ATP2A2: variants seen among roughly 807,000 people sequenced by gnomAD.
ATP2A2 encodes the protein ATPase sarcoplasmic/endoplasmic reticulum Ca2+ transporting 2.
In ATP2A2, 14 loss-of-function variants were observed where a neutral mutation model predicts 109.3. The observed-to-expected ratio is 0.13, with a 90% confidence interval of 0.08 to 0.20. The LOEUF is 0.20. Ranked by LOEUF, ATP2A2 falls within the 10% of genes least tolerant of loss-of-function variation. The pLI, the probability that ATP2A2 is intolerant of heterozygous loss-of-function variation, is 1.00. For synonymous variants in ATP2A2, 506 were observed against 490.9 expected, an observed-to-expected ratio of 1.03 and a Z score of -0.41; for missense variants, 657 against 1,321.6, an observed-to-expected ratio of 0.50 and a Z score of 7.80.
intron 8 of ATP2A2, among the ~76,000 whole-genome samples, chr12:110,328,289 G>T (rs371331392): frequency 6.7e-6 from 1 of 148,868 alleles, no homozygotes; most frequent in East Asian, 2.0e-4. Context: ...AAAAAAAAAA[G>T]CCTGGGCGCA....
At chr12:110,345,678 C>G in intron 18 of ATP2A2, 1 of 572,640 alleles carries the variant, frequency 1.7e-6, no homozygotes, top group Non-Finnish European at 3.1e-6. Context: ...CTCACCCTTT[C>G]ACACAGACAA....
rs1879969816 is a variant in ATP2A2, at chr12:110,347,295, A to G, written c.*825A>G. 7.9e-7 allele frequency: 1 copy of G among 1,263,248 alleles called. No homozygotes were observed. The highest frequency in any genetic ancestry group is 5.7e-5 in the East Asian group (1 of 17,600). 78.3% of individuals were successfully genotyped at this position (1,263,248 alleles called of 1,614,324 possible). A position where few individuals can be genotyped will look rare whatever the true frequency, so the allele number is the denominator to read the frequency against. ...TGGCACGTCATCTAGTTTTAAAAAA[A>G]TAAAACATTTTAAATGGACAGAGAA... On this transcript the variant is annotated 3_prime_UTR_variant, in exon 20 of 20. Coordinates refer to ENST00000539276, the MANE Select transcript of ATP2A2 (RefSeq NM_170665.4).
chr12:110,334,608 A>G (rs965929621), intron 11 of ATP2A2, among the ~76,000 whole-genome samples: 28 of 57,252 alleles, frequency 4.9e-4, no homozygotes, highest in Non-Finnish European at 7.3e-4. Context: ...TTTTTTTTTG[A>G]GACAGAGTTT....
chr12:110,345,614 G>A (rs1399377186), intron 18 of ATP2A2: 8 of 666,488 alleles, frequency 1.2e-5, no homozygotes, highest in Non-Finnish European at 2.0e-5. Context: ...AACCGTGGGG[G>A]CCAAAAATAG....
rs1027395643 is a variant in ATP2A2, at chr12:110,332,445, G to A, written c.1096-152G>A. ...AGTTAGGGTAAGGGACAGTACTGCT[G>A]ATGCTGAGTGAGCCTCAGTGAGTTT... On this transcript the variant is annotated intron_variant, in intron 8 of 19. Coordinates refer to ENST00000539276, the MANE Select transcript of ATP2A2 (RefSeq NM_170665.4). 18 of 724,360 alleles carry A rather than the reference G, an allele frequency of 2.5e-5. No homozygotes were observed. The African/African-American group carries it at 3.1e-4, about 12-fold the overall frequency. The allele number at this position is 724,360 out of a possible 1,614,324, so 44.9% of individuals were successfully genotyped here.
At chr12:110,305,108 A>AT (rs1875131474) in intron 5 of ATP2A2, among the ~76,000 whole-genome samples, 1 of 151,894 alleles carries the variant, frequency 6.6e-6, no homozygotes, top group Non-Finnish European at 1.5e-5. Flanking sequence ...TAATTTTTGT[A>AT]TTTTTAGTAG....
chr12:110,338,275 G>A lies in ATP2A2; in HGVS notation c.1420-1006G>A, dbSNP rs76025828. On this transcript the variant is annotated intron_variant, in intron 11 of 19. Coordinates refer to ENST00000539276, the MANE Select transcript of ATP2A2 (RefSeq NM_170665.4). ...TAAAAACACTTCCTTAGATGCCCTA[G>A]CCATATTCACTTAAAGTGCTTATCC... Among the ~76,000 whole-genome samples the A allele has an allele frequency of 6.9e-3, 1,046 of 152,262 alleles. 1 individual carries two copies. Among genetic ancestry groups the A allele is most frequent in the Non-Finnish European group, 9.4e-3 (642 of 68,016 alleles).
At chr12:110,338,851 G>A (rs1879091802) in intron 11 of ATP2A2, among the ~76,000 whole-genome samples, 1 of 152,112 alleles carries the variant, frequency 6.6e-6, no homozygotes, top group African/African-American at 2.4e-5. Context: ...CTCACCTTTT[G>A]CTCATGTAAA....
chr12:110,346,560 A>G lies in ATP2A2; in HGVS notation c.*90A>G, dbSNP rs1047627961. The G allele has an allele frequency of 1.0e-5, 16 of 1,571,062 alleles. No individual in the cohort carries two copies. The highest frequency in any genetic ancestry group is 1.4e-5 in the Non-Finnish European group (16 of 1,162,482). ...CTGTCTATTTCTGCTGAATTTTCAC[A>G]TGAACATACTGGCTGGTGATGGAGG... On this transcript the variant is annotated 3_prime_UTR_variant, in exon 20 of 20. Transcript: ENST00000539276.
chr12:110,306,564 G>C (rs1009418185), intron 5 of ATP2A2, among the ~76,000 whole-genome samples: 1 of 151,958 alleles, frequency 6.6e-6, no homozygotes, highest in African/African-American at 2.4e-5. Flanking sequence ...CATCTTAATG[G>C]CTATGTGTAC....
chr12:110,331,285 C>T (rs528872318), intron 8 of ATP2A2: 3 of 151,914 alleles, frequency 2.0e-5, no homozygotes, highest in Non-Finnish European at 4.4e-5. Context: ...TAACTAATTT[C>T]CTTATTGAAT....
chr12:110,345,154 A>G (rs1243238458), intron 17 of ATP2A2, 95 bp from the exon 18 acceptor site: 23 of 1,592,922 alleles, frequency 1.4e-5, no homozygotes, highest in Non-Finnish European at 2.0e-5. Context: ...CTGGCTCTGC[A>G]TTCAGGCTGG....
chr12:110,328,079 T>A, intron 8 of ATP2A2, 62 bp downstream of exon 8: 1 of 1,506,168 alleles, frequency 6.6e-7, no homozygotes, highest in Non-Finnish European at 9.1e-7. Context: ...CCAATATGCC[T>A]TCATGCCATC....
At position 110,346,764 on chromosome 12, in the gene ATP2A2, TAA is replaced by T. The variant is rs758310383; in HGVS notation, c.*301_*302del. The T allele has an allele frequency of 8.4e-7, 1 of 1,196,846 alleles. No individual in the cohort carries two copies. The highest frequency in any genetic ancestry group is 2.1e-5 in the South Asian group (1 of 46,816). The allele number at this position is 1,196,846 out of a possible 1,614,324, so 74.1% of individuals were successfully genotyped here. A position where few individuals can be genotyped will look rare whatever the true frequency, so the allele number is the denominator to read the frequency against. On this transcript the variant is annotated 3_prime_UTR_variant, in exon 20 of 20. Transcript: ENST00000539276. Reference sequence around the variant, plus strand: ...GTTCTGTTTAATACTCATCCTTGTATAAAAAAAATAGTTGAGCCAGCAGACAT... The same window carrying T: ...GTTCTGTTTAATACTCATCCTTGTATAAAAAATAGTTGAGCCAGCAGACAT...
intron 4 of ATP2A2, among the ~76,000 whole-genome samples, chr12:110,294,439 C>T (rs1159346099): frequency 6.6e-6 from 1 of 152,018 alleles, no homozygotes; most frequent in Admixed American, 6.6e-5. Flanking sequence ...GCGGGTGGAT[C>T]AGTTAAGGTC....
intron 16 of ATP2A2, among the ~76,000 whole-genome samples, chr12:110,344,172 G>A (rs1161647419): frequency 6.6e-6 from 1 of 152,086 alleles, no homozygotes; most frequent in Non-Finnish European, 1.5e-5. Context: ...CATGCGTAGT[G>A]CCTCATCCTT....
At chr12:110,346,164 G>A in intron 19 of ATP2A2, 37 bp from the exon 20 acceptor site, 1 of 1,614,140 alleles carries the variant, frequency 6.2e-7, no homozygotes, top group Non-Finnish European at 8.5e-7. Flanking sequence ...CCTTCCAGGG[G>A]AGGCTGGAGG....
At chr12:110,329,284 G>A (rs1198001186) in intron 8 of ATP2A2, 1 of 152,256 alleles carries the variant, frequency 6.6e-6, no homozygotes, top group Non-Finnish European at 1.5e-5. Flanking sequence ...TACATGTTCA[G>A]TACAGATGCA....
intron 6 of ATP2A2, among the ~76,000 whole-genome samples, chr12:110,324,549 G>A (rs1051137035): frequency 1.3e-5 from 2 of 152,120 alleles, no homozygotes; most frequent in Admixed American, 1.3e-4. Context: ...AGCCACCTGA[G>A]TGTCTGGGAT....
Sources: gnomAD v4.1 joint callset for allele counts (sites outside exome capture counted in the v4.1 genomes callset) on GRCh38, gnomAD v4.1.1 for gene constraint, MANE v1.5 for transcripts, NCBI Gene and HGNC (gene_info 2026-07-23, HGNC 2026-07-21) for gene names.